The following ST6GAL2 variants were observed in gnomAD, a reference collection of about 807,000 sequenced individuals.
ST6GAL2 encodes beta-galactoside alpha-2,6-sialyltransferase 2.
In ST6GAL2, 24 loss-of-function variants were observed where a neutral mutation model predicts 37.5. The observed-to-expected ratio is 0.64, with a 90% CI of 0.46 to 0.90. The LOEUF is 0.90. Among genes scored for constraint, ST6GAL2 ranks in the 40% least tolerant of loss-of-function variants. The pLI, the probability that ST6GAL2 is intolerant of heterozygous loss-of-function variation, is 0.00. For missense variants in ST6GAL2, 715 were observed against 712.7 expected (o/e 1.00, Z -0.04); for synonymous variants, 306 against 295.1 (o/e 1.04, Z -0.38).
At chr2:106,873,903 G>C (rs777241491) in intron 1 of ST6GAL2, among the ~76,000 whole-genome samples, 2 of 152,210 alleles carry the variant, frequency 1.3e-5, no homozygotes, top group African/African-American at 4.8e-5. Context: ...TAGATCACTA[G>C]AATTTGAGGA....
intron 5 of ST6GAL2, among the ~76,000 whole-genome samples, chr2:106,827,611 T>C (rs902102019): frequency 2.6e-5 from 4 of 152,220 alleles, no homozygotes; most frequent in Non-Finnish European, 5.9e-5. Context: ...TTGCTGTTTT[T>C]CTTTCTTTTG....
intron 1 of ST6GAL2, among the ~76,000 whole-genome samples, chr2:106,848,238 A>G (rs1287520919): frequency 6.6e-6 from 1 of 152,082 alleles, no homozygotes; most frequent in Non-Finnish European, 1.5e-5. Context: ...ATCTGGGGAC[A>G]AAGTGAGTTC....
intron 5 of ST6GAL2, among the ~76,000 whole-genome samples, chr2:106,818,323 C>T (rs974604054): frequency 6.6e-6 from 1 of 152,184 alleles, no homozygotes; most frequent in African/African-American, 2.4e-5. Context: ...ATGGTGGTCA[C>T]AGAGGTGCTT....
chr2:106,879,837 T>C (rs2104651830), intron 1 of ST6GAL2, among the ~76,000 whole-genome samples: 1 of 147,834 alleles, frequency 6.8e-6, no homozygotes, highest in East Asian at 2.0e-4. Flanking sequence ...ATAATTAATC[T>C]ATATATAATC....
chr2:106,823,074 C>T (rs1016475732), intron 5 of ST6GAL2: 4 of 152,102 alleles, frequency 2.6e-5, no homozygotes, highest in Non-Finnish European at 5.9e-5. Context: ...TTGCTTTCTT[C>T]AATGCTAGGT....
At chr2:106,813,209 A>AT in intron 5 of ST6GAL2, 2 of 1,373,100 alleles carry the variant, frequency 1.5e-6, no homozygotes, top group Non-Finnish European at 1.9e-6. Flanking sequence ...GATATGGCCA[A>AT]TTTTTACAAA....
chr2:106,811,735 C>G lies in ST6GAL2; in HGVS notation c.1319-4786G>C, dbSNP rs145046640. Reference sequence around the variant, plus strand: ...ATGACTACCAACAGCACACAGCTCTCAAATGAACTCTGAGTCACCACCATT... The same window carrying G: ...ATGACTACCAACAGCACACAGCTCTGAAATGAACTCTGAGTCACCACCATT... On this transcript the variant is annotated intron_variant, in intron 5 of 5. Transcript: ENST00000409382. Among the ~76,000 whole-genome samples the G allele has an allele frequency of 3.2e-3, 480 of 152,240 alleles. 2 individuals are homozygous for G. The highest frequency in any genetic ancestry group is 0.01 in the African/African-American group (434 of 41,546).
chr2:106,848,355 C>CT (rs1677228715), intron 1 of ST6GAL2, among the ~76,000 whole-genome samples: 1 of 152,220 alleles, frequency 6.6e-6, no homozygotes, highest in Non-Finnish European at 1.5e-5. Flanking sequence ...AAAAGACAGT[C>CT]TTTTTGTTTC....
intron 2 of ST6GAL2, among the ~76,000 whole-genome samples, 154 bp downstream of exon 2, chr2:106,842,881 A>T (rs1324886449): frequency 1.3e-5 from 2 of 152,128 alleles, no homozygotes; most frequent in African/African-American, 4.8e-5. Context: ...GCAATGGGAA[A>T]GCACCTGAAG....
At chr2:106,883,358 G>T (rs2104664732) in intron 1 of ST6GAL2, among the ~76,000 whole-genome samples, 1 of 152,228 alleles carries the variant, frequency 6.6e-6, no homozygotes, top group South Asian at 2.1e-4. Flanking sequence ...AGAGCTTTCG[G>T]AAAAATGGTA....
At chr2:106,834,212 G>T (rs1324860412) in intron 2 of ST6GAL2, 66 bp from the exon 3 acceptor site, 68 of 1,171,600 alleles carry the variant, frequency 5.8e-5, no homozygotes, top group Non-Finnish European at 3.3e-5. Context: ...AGGAAAAAAT[G>T]TTAAAGCAAA....
chr2:106,821,382 T>C (rs983984112), intron 5 of ST6GAL2, among the ~76,000 whole-genome samples: 5 of 150,546 alleles, frequency 3.3e-5, no homozygotes, highest in African/African-American at 1.2e-4. Context: ...TATTAAATTG[T>C]ATATATATTA....
At chr2:106,844,158 A>T (rs557854148) in intron 1 of ST6GAL2, 124 bp from the exon 2 acceptor site, 1 of 512,768 alleles carries the variant, frequency 2.0e-6, no homozygotes, top group African/African-American at 1.9e-5. Flanking sequence ...GGCACTAGAA[A>T]CCAGAATCAT....
intron 4 of ST6GAL2, among the ~76,000 whole-genome samples, 178 bp from the exon 5 acceptor site, chr2:106,830,418 C>T (rs774464021): frequency 2.0e-5 from 3 of 152,174 alleles, no homozygotes; most frequent in African/African-American, 4.8e-5. Flanking sequence ...AGAACAAAGA[C>T]AGACCAGGGC....
chr2:106,845,545 A>G (rs1007219291), intron 1 of ST6GAL2, among the ~76,000 whole-genome samples: 1 of 152,178 alleles, frequency 6.6e-6, no homozygotes, highest in African/African-American at 2.4e-5. Flanking sequence ...CAATGCCAAA[A>G]CACAAAGGCA....
intron 5 of ST6GAL2, chr2:106,813,041 C>T (rs748541752): frequency 8.1e-7 from 1 of 1,227,156 alleles, no homozygotes; most frequent in Non-Finnish European, 1.0e-6. Context: ...TTTTTTCAAG[C>T]CAATCAAATG....
intron 2 of ST6GAL2, among the ~76,000 whole-genome samples, chr2:106,839,032 T>C (rs756724278): frequency 4.6e-5 from 7 of 151,030 alleles, no homozygotes; most frequent in Non-Finnish European, 2.9e-5. Context: ...GGAGACTCCA[T>C]CTCAAAAAAG....
At chr2:106,838,543 G>T (rs947712991) in intron 2 of ST6GAL2, among the ~76,000 whole-genome samples, 2 of 152,192 alleles carry the variant, frequency 1.3e-5, no homozygotes, top group Non-Finnish European at 2.9e-5. Context: ...GCTCTGGAGT[G>T]ATCTCTCTAC....
chr2:106,853,338 C>A (rs1314923846), intron 1 of ST6GAL2, among the ~76,000 whole-genome samples: 1 of 152,214 alleles, frequency 6.6e-6, no homozygotes, highest in African/African-American at 2.4e-5. Context: ...TACCAATTTA[C>A]TAACATTTCC....
Sources: gnomAD v4.1 joint callset for allele counts (sites outside exome capture counted in the v4.1 genomes callset) on GRCh38, gnomAD v4.1.1 for gene constraint, MANE v1.5 for transcripts, NCBI Gene and HGNC (gene_info 2026-07-23, HGNC 2026-07-21) for gene names.